Variants in MPP7 observed in about 807,000 individuals in gnomAD.
The protein encoded by MPP7 is MAGUK p55 subfamily member 7.
In MPP7, 60 loss-of-function variants were observed where a neutral mutation model predicts 76.5. The ratio of observed to expected loss-of-function variants is 0.78; its 90% confidence interval spans 0.64 to 0.97. The LOEUF (loss-of-function observed/expected upper bound fraction) is 0.97. MPP7 is among the 50% of genes least tolerant of loss of function. The pLI, the probability that MPP7 is intolerant of heterozygous loss-of-function variation, is 0.00. For synonymous variants in MPP7, 237 were observed against 244.5 expected, an observed-to-expected ratio of 0.97 and a Z score of 0.29; for missense variants, 641 against 694.0, an observed-to-expected ratio of 0.92 and a Z score of 0.86.
At chr10:28,103,080 G>A (rs1226650517) in intron 11 of MPP7, among the ~76,000 whole-genome samples, 1 of 152,132 alleles carries the variant, frequency 6.6e-6, no homozygotes, top group Non-Finnish European at 1.5e-5. Flanking sequence ...TAGGGCCTTT[G>A]CACACACTTG....
intron 5 of MPP7, among the ~76,000 whole-genome samples, chr10:28,132,195 T>C (rs1835215505): frequency 6.6e-6 from 1 of 152,228 alleles, no homozygotes; most frequent in Non-Finnish European, 1.5e-5. Context: ...TTCCTCACTT[T>C]AATTGTGTGT....
At chr10:28,077,230 T>C (rs1852537831) in intron 12 of MPP7, among the ~76,000 whole-genome samples, 3 of 152,104 alleles carry the variant, frequency 2.0e-5, no homozygotes, top group Admixed American at 2.0e-4. Flanking sequence ...CTTTATAATC[T>C]AACCCTTACA....
chr10:28,144,913 G>C lies in MPP7; in HGVS notation c.315+2570C>G, dbSNP rs188675952. ...AGGCATTAGAAGAAAAAAAATCTAA[G>C]AATAAATGAATGAATGAAGATCCGT... is the stretch of plus-strand genomic sequence containing the variant. On this transcript the variant is annotated intron_variant, in intron 5 of 16. Transcript: ENST00000683449. Among the ~76,000 whole-genome samples, 3 of 152,170 alleles carry C rather than the reference G, an allele frequency of 2.0e-5. No homozygotes were observed. The East Asian group carries it at 5.8e-4, about 29-fold the overall frequency.
chr10:28,233,699 CAG>C (rs1838968963), intron 2 of MPP7, among the ~76,000 whole-genome samples: 1 of 140,634 alleles, frequency 7.1e-6, no homozygotes, highest in South Asian at 2.3e-4. Context: ...GCCTGGGCGA[CAG>C]AGCGAGACTC....
chr10:28,190,059 T>C (rs1564689317), intron 3 of MPP7, among the ~76,000 whole-genome samples: 1 of 152,008 alleles, frequency 6.6e-6, no homozygotes, highest in Non-Finnish European at 1.5e-5. Flanking sequence ...TTGGCAGAAC[T>C]AGAAAAAATT....
intron 1 of MPP7, among the ~76,000 whole-genome samples, chr10:28,284,888 TA>T (rs1488928458): frequency 6.6e-6 from 1 of 152,240 alleles, no homozygotes; most frequent in Non-Finnish European, 1.5e-5. Context: ...ACAAGTGTTT[TA>T]ATTTTTTTAT....
intron 6 of MPP7, among the ~76,000 whole-genome samples, chr10:28,127,022 C>T (rs1193339755): frequency 6.6e-6 from 1 of 152,136 alleles, no homozygotes; most frequent in Non-Finnish European, 1.5e-5. Flanking sequence ...TGAGGAACTC[C>T]AAGTGAGAAC....
Position 28,089,731 on chromosome 10 carries a change from C to T in MPP7, c.1063G>A (p.Glu355Lys), listed in dbSNP as rs868850825. The change falls in exon 12 of 17, where the codon GAA becomes AAA. Residue 355 changes from glutamate to lysine, a missense_variant. Physicochemically the swap from Glu to Lys is moderately conservative, Grantham distance 56. Coordinates refer to ENST00000683449, the MANE Select transcript of MPP7 (RefSeq NM_001318170.2). Reference protein sequence around the residue: ...QYDTADVPTYEEVTPYRRQTN... With the variant: ...QYDTADVPTYKEVTPYRRQTN... Reference sequence around the variant, plus strand: ...TGTCGCCGATACGGTGTCACTTCTTCGTATGTGGGTACGTCAGCTGTGTCG... The same window carrying T: ...TGTCGCCGATACGGTGTCACTTCTTTGTATGTGGGTACGTCAGCTGTGTCG... 1.1e-5 allele frequency: 17 copies of T among 1,613,726 alleles called. No individual in the cohort carries two copies. Among genetic ancestry groups the T allele is most frequent in the African/African-American group, 1.3e-5 (1 of 74,900 alleles).
At chr10:28,089,282 T>C (rs1000475682) in intron 12 of MPP7, among the ~76,000 whole-genome samples, 1 of 152,194 alleles carries the variant, frequency 6.6e-6, no homozygotes, top group Non-Finnish European at 1.5e-5. Context: ...CTGTAATACT[T>C]TATTTCACTG....
intron 11 of MPP7, among the ~76,000 whole-genome samples, chr10:28,102,662 T>C (rs951869290): frequency 3.3e-5 from 5 of 152,138 alleles, no homozygotes; most frequent in African/African-American, 1.2e-4. Context: ...AGTAACTCCA[T>C]CTTCATAGTT....
At chr10:28,262,227 A>T (rs1254020106) in intron 1 of MPP7, among the ~76,000 whole-genome samples, 4 of 23,194 alleles carry the variant, frequency 1.7e-4, no homozygotes, top group East Asian at 0.012. Flanking sequence ...ATATATATAC[A>T]TATATATATA....
chr10:28,057,055 C>G (rs1483405546), intron 15 of MPP7, among the ~76,000 whole-genome samples: 1 of 152,196 alleles, frequency 6.6e-6, no homozygotes, highest in African/African-American at 2.4e-5. Flanking sequence ...CTCCATGATG[C>G]CTGTCTAGAT....
chr10:28,100,055 G>A (rs1216523212), intron 11 of MPP7, among the ~76,000 whole-genome samples: 1 of 145,318 alleles, frequency 6.9e-6, no homozygotes, highest in Non-Finnish European at 1.5e-5. Context: ...ATATTTAACT[G>A]ATTCAATAGG....
intron 3 of MPP7, among the ~76,000 whole-genome samples, chr10:28,159,933 A>G (rs1836201163): frequency 6.6e-6 from 1 of 152,222 alleles, no homozygotes; most frequent in Non-Finnish European, 1.5e-5. Context: ...AAAGCCACAC[A>G]TTAATATCAC....
At chr10:28,112,104 C>G (rs1834523520) in intron 11 of MPP7, among the ~76,000 whole-genome samples, 1 of 152,146 alleles carries the variant, frequency 6.6e-6, no homozygotes, top group South Asian at 2.1e-4. Flanking sequence ...CAGGCTCGTG[C>G]TTTGAATCAC....
intron 6 of MPP7, among the ~76,000 whole-genome samples, chr10:28,129,462 T>C (rs1322889011): frequency 6.6e-6 from 1 of 152,002 alleles, no homozygotes. Context: ...TACTGGGTTA[T>C]CATGATTTCC....
chr10:28,110,500 T>C (rs975018836), intron 11 of MPP7, among the ~76,000 whole-genome samples: 27 of 152,204 alleles, frequency 1.8e-4, no homozygotes, highest in African/African-American at 4.1e-4. Flanking sequence ...TTTTGGCTCA[T>C]TGGATTAGAC....
chr10:28,145,080 A>AT (rs1466330795), intron 5 of MPP7, among the ~76,000 whole-genome samples: 1 of 151,846 alleles, frequency 6.6e-6, no homozygotes, highest in African/African-American at 2.4e-5. Flanking sequence ...CACCTGGCTA[A>AT]TTTTTTGTAT....
rs75918663 is a variant in MPP7, at chr10:28,312,953, G to A, written c.-132+16976C>T. 1.8e-3 allele frequency among the ~76,000 whole-genome samples: 274 copies of A among 152,292 alleles called. 1 individual carries two copies. The highest frequency in any genetic ancestry group is 6.3e-3 in the African/African-American group (262 of 41,546). ...ATGAGCTACAGCAACATAGAAAACA[G>A]CACCCCCACAGCAGGAGGGGCAGTT... On this transcript the variant is annotated intron_variant, in intron 2 of 11. Transcript: ENST00000441595.
Sources: gnomAD v4.1 joint callset for allele counts (sites outside exome capture counted in the v4.1 genomes callset) on GRCh38, gnomAD v4.1.1 for gene constraint, MANE v1.5 for transcripts, NCBI Gene and HGNC (gene_info 2026-07-23, HGNC 2026-07-21) for gene names.